VWC2: variants seen among roughly 807,000 people sequenced by gnomAD.
The protein encoded by VWC2 is von Willebrand factor C domain containing 2.
In VWC2, 14 loss-of-function variants were observed where a neutral mutation model predicts 29.8. That is an observed-to-expected ratio of 0.47 (90% CI 0.31 to 0.74). The LOEUF (loss-of-function observed/expected upper bound fraction) is 0.74, where lower values mean the gene tolerates loss of function less well. VWC2 is among the 30% of genes least tolerant of loss of function. VWC2 has a pLI of 0.05. For synonymous variants in VWC2, 213 were observed against 199.0 expected (o/e 1.07, Z -0.59); for missense variants, 457 against 459.8 (o/e 0.99, Z 0.05).
intron 3 of VWC2, among the ~76,000 whole-genome samples, chr7:49,848,035 G>A (rs543927273): frequency 5.6e-4 from 85 of 152,320 alleles, no homozygotes; most frequent in African/African-American, 1.9e-3. Context: ...TGCTTCCACA[G>A]CAACATGGGT....
chr7:49,811,766 G>A (rs1028337404), intron 3 of VWC2, among the ~76,000 whole-genome samples: 1 of 152,168 alleles, frequency 6.6e-6, no homozygotes, highest in Admixed American at 6.5e-5. Flanking sequence ...TGCTTAAAAA[G>A]TTAAAGAAAA....
rs141548844 is a variant in VWC2 at position 49,872,302 on chromosome 7, T to C, written c.827-39732T>C. Among the ~76,000 whole-genome samples the C allele has an allele frequency of 4.6e-3, 694 of 152,114 alleles. 4 individuals are homozygous for C. The highest frequency in any genetic ancestry group is 0.016 in the African/African-American group (657 of 41,498). On this transcript the variant is annotated intron_variant, in intron 3 of 3. Coordinates refer to ENST00000340652, the MANE Select transcript of VWC2 (RefSeq NM_198570.5). ...GATTTTTGAGAAAAAAGTTAAAACA[T>C]GAAAGGTCTTGGATTTAATGTGTCC...
intron 3 of VWC2, among the ~76,000 whole-genome samples, chr7:49,910,899 A>G (rs1483072): frequency 0.77 from 116,360 of 152,056 alleles, 44,708 homozygotes; most frequent in East Asian, 0.89. Flanking sequence ...AACCTAGTGA[A>G]TCACAAACTC....
At chr7:49,875,844 G>A (rs189820462) in intron 3 of VWC2, among the ~76,000 whole-genome samples, 144 of 152,082 alleles carry the variant, frequency 9.5e-4, no homozygotes, top group Non-Finnish European at 2.2e-4. Context: ...ACTGGCTGCA[G>A]GCTCCATGAG....
rs533454383 is a variant in VWC2, at chr7:49,912,946, G to A, written c.*761G>A. 6.6e-6 allele frequency: 1 copy of A among 152,032 alleles called. No homozygotes were observed. The highest frequency in any genetic ancestry group is 2.4e-5 in the African/African-American group (1 of 41,372). 9.4% of individuals were successfully genotyped at this position (152,032 alleles called of 1,614,324 possible). On this transcript the variant is annotated 3_prime_UTR_variant, in exon 4 of 4. Transcript: ENST00000340652. ...AACTTTAATTCATTCCCTAAACTGA[G>A]GAATAAAGTAGGCTGGAAAATTTGC...
At chr7:49,804,711 T>C (rs774288751) in intron 3 of VWC2, among the ~76,000 whole-genome samples, 5 of 152,200 alleles carry the variant, frequency 3.3e-5, no homozygotes, top group South Asian at 2.1e-4. Flanking sequence ...CAGTGAACAA[T>C]TGTATACCTT....
intron 3 of VWC2, among the ~76,000 whole-genome samples, chr7:49,803,772 A>G (rs911725845): frequency 3.3e-5 from 5 of 152,186 alleles, no homozygotes; most frequent in African/African-American, 1.2e-4. Flanking sequence ...AGGGGTGGTC[A>G]TGGTGCTCAG....
chr7:49,782,197 A>G lies in VWC2; in HGVS notation c.696+6066A>G, dbSNP rs186630239. Among the ~76,000 whole-genome samples the G allele has an allele frequency of 3.7e-4, 57 of 152,214 alleles. No homozygotes were observed. The East Asian group carries it at 0.011, about 29-fold the overall frequency. On this transcript the variant is annotated intron_variant, in intron 2 of 3. Transcript: ENST00000340652. ...AGCTGGGCAGGGCTGCCCCTTTGGGAGGGCATTTGTTTTCCAGCTGACCAC... is the reference window on the plus strand; with the variant it reads ...AGCTGGGCAGGGCTGCCCCTTTGGGGGGGCATTTGTTTTCCAGCTGACCAC...
intron 3 of VWC2, among the ~76,000 whole-genome samples, chr7:49,804,492 G>A (rs1788827102): frequency 6.6e-6 from 1 of 152,034 alleles, no homozygotes; most frequent in South Asian, 2.1e-4. Context: ...CTTAAATATG[G>A]GTTGCTTAAA....
chr7:49,850,137 GC>G (rs1189914284), intron 3 of VWC2, among the ~76,000 whole-genome samples: 1 of 152,162 alleles, frequency 6.6e-6, no homozygotes, highest in Non-Finnish European at 1.5e-5. Context: ...GGAAAACAGA[GC>G]ACAGTGCTGT....
intron 3 of VWC2, among the ~76,000 whole-genome samples, chr7:49,892,683 G>A (rs1792194510): frequency 6.6e-6 from 1 of 152,172 alleles, no homozygotes; most frequent in African/African-American, 2.4e-5. Context: ...CAGTGAGTTA[G>A]CTTGTGCAAG....
chr7:49,805,934 A>G (rs1427631392), intron 3 of VWC2, among the ~76,000 whole-genome samples: 1 of 152,280 alleles, frequency 6.6e-6, no homozygotes, highest in East Asian at 1.9e-4. Flanking sequence ...CACTTGCATC[A>G]AAGGAGCAGA....
At chr7:49,894,098 T>G (rs1792262214) in intron 3 of VWC2, among the ~76,000 whole-genome samples, 1 of 152,068 alleles carries the variant, frequency 6.6e-6, no homozygotes, top group South Asian at 2.1e-4. Context: ...GTTTCTAGGC[T>G]TTTTCTGGAA....
At position 49,913,706 on chromosome 7, in the gene VWC2, G is replaced by C. The variant is rs1161062079; in HGVS notation, c.*1521G>C. 1 of 152,102 alleles carries C rather than the reference G, an allele frequency of 6.6e-6. No homozygotes were observed. Among genetic ancestry groups the C allele is most frequent in the Non-Finnish European group, 1.5e-5 (1 of 68,016 alleles). 9.4% of individuals were successfully genotyped at this position (152,102 alleles called of 1,614,324 possible). ...ATGTATTGTATTAGGAGCCAAACTA[G>C]AGACCAGCAAATGGAGATTAGAAAG... is the stretch of plus-strand genomic sequence containing the variant. On this transcript the variant is annotated 3_prime_UTR_variant, in exon 4 of 4. Coordinates refer to ENST00000340652, the MANE Select transcript of VWC2 (RefSeq NM_198570.5).
chr7:49,913,988 T>C lies in VWC2; in HGVS notation c.*1803T>C, dbSNP rs1286552295. ...TACCAGTACATAGATTTCATGAAAA[T>C]ACTCAGGGGAATTATTAGCTAATTG... On this transcript the variant is annotated 3_prime_UTR_variant, in exon 4 of 4. Coordinates refer to ENST00000340652, the MANE Select transcript of VWC2 (RefSeq NM_198570.5). 6.6e-6 allele frequency: 1 copy of C among 152,176 alleles called. No individual in the cohort carries two copies. The highest frequency in any genetic ancestry group is 1.5e-5 in the Non-Finnish European group (1 of 68,028). 9.4% of individuals were successfully genotyped at this position (152,176 alleles called of 1,614,324 possible).
At chr7:49,873,731 A>T (rs1469796482) in intron 3 of VWC2, among the ~76,000 whole-genome samples, 2 of 152,216 alleles carry the variant, frequency 1.3e-5, no homozygotes, top group Non-Finnish European at 2.9e-5. Flanking sequence ...AAACTTCAAC[A>T]TGTATATTTG....
intron 3 of VWC2, among the ~76,000 whole-genome samples, chr7:49,860,274 C>G (rs1169458017): frequency 1.3e-5 from 2 of 152,176 alleles, no homozygotes; most frequent in African/African-American, 4.8e-5. Flanking sequence ...ACGTCAGGCT[C>G]ATGGTAAATT....
At chr7:49,883,949 C>T (rs1024441109) in intron 3 of VWC2, among the ~76,000 whole-genome samples, 8 of 152,230 alleles carry the variant, frequency 5.3e-5, no homozygotes, top group Non-Finnish European at 1.2e-4. Flanking sequence ...GGAGAGCAAT[C>T]CCCCTTAGGT....
At chr7:49,883,974 A>G (rs532004850) in intron 3 of VWC2, among the ~76,000 whole-genome samples, 1 of 152,370 alleles carries the variant, frequency 6.6e-6, no homozygotes, top group East Asian at 1.9e-4. Context: ...TGGTGGAGAA[A>G]GCATTTCTTC....
Sources: gnomAD v4.1 joint callset for allele counts (sites outside exome capture counted in the v4.1 genomes callset) on GRCh38, gnomAD v4.1.1 for gene constraint, MANE v1.5 for transcripts, NCBI Gene and HGNC (gene_info 2026-07-23, HGNC 2026-07-21) for gene names.